ZNF726: variants seen among roughly 807,000 people sequenced by gnomAD.
ZNF726 encodes zinc finger protein 726, also known as zinc finger protein 92 pseudogene 3.
In ZNF726, 15 loss-of-function variants were observed where a neutral mutation model predicts 11.6. That is an observed-to-expected ratio of 1.29 (90% CI 0.86 to 1.99). ZNF726 has a LOEUF of 1.99. Among genes scored for constraint, ZNF726 ranks in the 30% most tolerant of loss-of-function variants. The pLI is 0.00. For synonymous variants in ZNF726, 295 were observed against 243.6 expected, an observed-to-expected ratio of 1.21 and a Z score of -1.96; for missense variants, 890 against 725.6, an observed-to-expected ratio of 1.23 and a Z score of -2.60.
intron 3 of ZNF726, among the ~76,000 whole-genome samples, chr19:23,943,195 A>G (rs1054953087): frequency 6.6e-6 from 1 of 152,288 alleles, no homozygotes; most frequent in South Asian, 2.1e-4. Flanking sequence ...TAATTTTTGT[A>G]TATTTAGTAG....
chr19:23,920,137 G>A (rs1955778785), intron 3 of ZNF726, 55 bp downstream of exon 3: 1 of 1,279,316 alleles, frequency 7.8e-7, no homozygotes, highest in Non-Finnish European at 1.1e-6. Context: ...ACGTCAAGAA[G>A]AAAGCCAGTC....
At chr19:23,940,778 A>G (rs764676511) in intron 3 of ZNF726, among the ~76,000 whole-genome samples, 11 of 152,080 alleles carry the variant, frequency 7.2e-5, no homozygotes, top group Admixed American at 5.9e-4. Flanking sequence ...GTTCCTGATT[A>G]TTTCTCCATT....
chr19:23,942,565 TC>T (rs1968355372), intron 3 of ZNF726, among the ~76,000 whole-genome samples: 1 of 152,150 alleles, frequency 6.6e-6, no homozygotes, highest in Non-Finnish European at 1.5e-5. Flanking sequence ...AGTATTGAAG[TC>T]CCTCCCTCTT....
At chr19:23,937,093 C>T (rs955348430), downstream of ZNF726, among the ~76,000 whole-genome samples, 1 of 147,230 alleles carries the variant, frequency 6.8e-6, no homozygotes, top group Non-Finnish European at 1.5e-5. Context: ...GGGGCTGACC[C>T]CCCCCACCTC....
intron 3 of ZNF726, among the ~76,000 whole-genome samples, chr19:23,927,545 G>A (rs1291444648): frequency 6.6e-6 from 1 of 152,178 alleles, no homozygotes; most frequent in Admixed American, 6.5e-5. Flanking sequence ...AGGCTGGAGT[G>A]TACTGGCATG....
At chr19:23,938,875 G>T (rs975288793), downstream of ZNF726, among the ~76,000 whole-genome samples, 14 of 152,164 alleles carry the variant, frequency 9.2e-5, no homozygotes, top group African/African-American at 3.1e-4. Flanking sequence ...CCAAAATACT[G>T]GGATTACAGG....
At chr19:23,939,861 G>GGTTTTTTTTTTTTT (rs1405429449) in intron 3 of ZNF726, among the ~76,000 whole-genome samples, 1 of 80,144 alleles carries the variant, frequency 1.2e-5, no homozygotes, top group Non-Finnish European at 2.7e-5. Flanking sequence ...TTTTTGATGG[G>GGTTTTTTTTTTTTT]ATTTTTTTTT....
rs1304025238 is a variant in ZNF726, at chr19:23,919,392, A to T, written c.23A>T (p.Asp8Val). 3.7e-6 allele frequency: 6 copies of T among 1,606,914 alleles called. No homozygotes were observed. Among genetic ancestry groups the T allele is most frequent in the Non-Finnish European group, 5.1e-6 (6 of 1,175,752 alleles). The change falls in exon 2 of 4, where the codon GAT (aspartate) becomes GTT (valine). Residue 8 changes from aspartate to valine, a missense_variant. Coordinates refer to ENST00000594466, the MANE Select transcript of ZNF726 (RefSeq NM_001244038.2). MGLLTFR[D>V]VAIEFSLEEW... is the part of the protein sequence containing the mutation. Reference sequence around the variant, plus strand: ...TTCCAGGGACTGTTGACATTTAGGGATGTGGCCATAGAATTCTCTCTGGAG... The same window carrying T: ...TTCCAGGGACTGTTGACATTTAGGGTTGTGGCCATAGAATTCTCTCTGGAG...
chr19:23,920,367 T>C (rs1236392147), intron 3 of ZNF726: 1 of 190,292 alleles, frequency 5.3e-6, no homozygotes, highest in Non-Finnish European at 1.1e-5. Context: ...TTTTTTTTTC[T>C]TGTTTTTGTG....
chr19:23,915,393 A>G (rs940778171), intron 1 of ZNF726, among the ~76,000 whole-genome samples: 1 of 152,130 alleles, frequency 6.6e-6, no homozygotes, highest in African/African-American at 2.4e-5. Flanking sequence ...TTAAAAATTT[A>G]TGGGCCTCAC....
At chr19:23,935,604 A>G (rs996014933), downstream of ZNF726, 13 of 317,646 alleles carry the variant, frequency 4.1e-5, no homozygotes, top group East Asian at 2.4e-4. Context: ...AAACAAAATC[A>G]TGCTGCTGAC....
downstream of ZNF726, among the ~76,000 whole-genome samples, chr19:23,936,707 A>C (rs1382515388): frequency 6.9e-6 from 1 of 144,028 alleles, no homozygotes; most frequent in East Asian, 2.1e-4. Flanking sequence ...TGAAAGAAAA[A>C]CTTTTTTTTT....
In ZNF726 at chr19:23,933,304, C is replaced by A. The variant is rs1384468631; in HGVS notation, c.1188C>A (p.Pro396=). 1.2e-6 allele frequency: 2 copies of A among 1,613,212 alleles called. No homozygotes were observed. The highest frequency in any genetic ancestry group is 3.3e-5 in the Admixed American group (2 of 59,978). Residue 396 remains proline (P), a synonymous_variant, in exon 4 of 4, where the codon CCC becomes CCA. Transcript: ENST00000594466. ...AGAGGATTCACACTGGAGAGAAACC[C>A]TACAAATGTGAAGAATGTGGCAAAG... ...KHKRIHTGEK[P]YKCEECGKAF... is the part of the protein sequence containing the mutation.
chr19:23,916,390 TG>T (rs1967700211), intron 1 of ZNF726, among the ~76,000 whole-genome samples: 2 of 152,084 alleles, frequency 1.3e-5, no homozygotes, highest in Non-Finnish European at 2.9e-5. Context: ...TGGAGTGCAG[TG>T]GCATGACTTA....
At position 23,934,197 on chromosome 19, in the gene ZNF726, A is replaced by G. The variant is rs766164041; in HGVS notation, c.*230A>G. On this transcript the variant is annotated 3_prime_UTR_variant, in exon 4 of 4. Transcript: ENST00000594466. Reference sequence around the variant, plus strand: ...ATTCTCAAATCTTACTACACATAAGATAATTCATACTGGAAATAAACCCTA... The same window carrying G: ...ATTCTCAAATCTTACTACACATAAGGTAATTCATACTGGAAATAAACCCTA... 523 of 786,356 alleles carry G rather than the reference A, an allele frequency of 6.7e-4. 1 individual carries two copies. Among genetic ancestry groups the G allele is most frequent in the Middle Eastern group, 2.7e-3 (12 of 4,416 alleles). 48.7% of individuals were successfully genotyped at this position (786,356 alleles called of 1,614,324 possible).
intron 3 of ZNF726, chr19:23,943,444 G>T: frequency 1.8e-6 from 1 of 541,872 alleles, no homozygotes; most frequent in Non-Finnish European, 3.4e-6. Flanking sequence ...GTACTAGGTT[G>T]CTAACTGGAG....
Position 23,920,100 on chromosome 19 carries a change from CA to C in ZNF726, c.226+20del. 6.5e-7 allele frequency: 1 copy of C among 1,531,644 alleles called. No individual in the cohort carries two copies. The allele number at this position is 1,531,644 out of a possible 1,614,324, so 94.9% of individuals were successfully genotyped here. On this transcript the variant is annotated intron_variant, in intron 3 of 3. Transcript: ENST00000594466. ...ACCCCCAGGTAGGTGAGAGTGAATACAACAGATGACCTGGATGAGAGGTCCA... is the reference window on the plus strand; with the variant it reads ...ACCCCCAGGTAGGTGAGAGTGAATACACAGATGACCTGGATGAGAGGTCCA...
Position 23,920,087 on chromosome 19 carries a change from G to A in ZNF726, c.226+5G>A. 2 of 1,570,300 alleles carry A rather than the reference G, an allele frequency of 1.3e-6. No homozygotes were observed. Among genetic ancestry groups the A allele is most frequent in the Non-Finnish European group, 1.7e-6 (2 of 1,152,272 alleles). On this transcript the variant is annotated splice_donor_5th_base_variant and intron_variant, in intron 3 of 3. Transcript: ENST00000594466. ...AGATGGTGGATGAACCCCCAGGTAG[G>A]TGAGAGTGAATACAACAGATGACCT...
Position 23,933,389 on chromosome 19 carries a change from T to A in ZNF726, c.1273T>A (p.Tyr425Asn). Residue 425 changes from tyrosine (Y) to asparagine (N), a missense_variant, in exon 4 of 4, where the codon TAC becomes AAC. Coordinates refer to ENST00000594466, the MANE Select transcript of ZNF726 (RefSeq NM_001244038.2). ...HKIIHTGEKP[Y>N]KCEECGKAFI... is the part of the protein sequence containing the mutation. ...GATAATTCATACTGGAGAGAAACCTTACAAGTGTGAAGAATGCGGCAAAGC... is the reference window on the plus strand; with the variant it reads ...GATAATTCATACTGGAGAGAAACCTAACAAGTGTGAAGAATGCGGCAAAGC... The A allele has an allele frequency of 6.2e-7, 1 of 1,612,680 alleles. No individual in the cohort carries two copies. The highest frequency in any genetic ancestry group is 8.5e-7 in the Non-Finnish European group (1 of 1,179,640).
Sources: allele counts gnomAD v4.1 joint callset (sites outside exome capture counted in the v4.1 genomes callset), GRCh38; gene constraint gnomAD v4.1.1; transcripts MANE v1.5; gene names NCBI Gene and HGNC (gene_info 2026-07-23, HGNC 2026-07-21).